Variants in PVALB observed in about 807,000 individuals in gnomAD.
PVALB encodes parvalbumin, also known as parvalbumin alpha.
A neutral mutation model predicts 10.9 loss-of-function variants in PVALB; 11 were observed. The observed-to-expected ratio is 1.01, with a 90% confidence interval of 0.63 to 1.67. PVALB has a LOEUF of 1.67. Ranked by LOEUF, PVALB falls within the 40% of genes most tolerant of loss-of-function variation. PVALB has a pLI of 0.00. For synonymous variants in PVALB, 57 were observed against 50.7 expected (o/e 1.12, Z -0.53); for missense variants, 131 against 136.2 (o/e 0.96, Z 0.19).
At chr22:36,801,578 T>C (rs1938865514) in intron 3 of PVALB, among the ~76,000 whole-genome samples, 1 of 152,176 alleles carries the variant, frequency 6.6e-6, no homozygotes, top group South Asian at 2.1e-4. Context: ...GGCAGGTGAA[T>C]CACTTGAGGT....
chr22:36,811,486 C>T (rs1360445698), intron 3 of PVALB: 1 of 470,706 alleles, frequency 2.1e-6, no homozygotes, highest in Non-Finnish European at 4.4e-6. Flanking sequence ...TCTTCCATTG[C>T]CGGGCACAGA....
chr22:36,813,835 G>C, intron 2 of PVALB, 80 bp from the exon 3 acceptor site: 1 of 1,070,344 alleles, frequency 9.3e-7, no homozygotes, highest in Non-Finnish European at 1.5e-6. Flanking sequence ...GGGTGGTCTG[G>C]TTTCTGTATG....
rs577241514 is a variant in PVALB at position 36,810,346 on chromosome 22, C to T, written c.304+3300G>A. ...AAGCAGAGTATCTGAAACAGAACGT[C>T]CTGGGCCCCAAAAAGGCTCTGCTTC... On this transcript the variant is annotated intron_variant, in intron 3 of 3. Transcript: ENST00000417718. 1.3e-4 allele frequency among the ~76,000 whole-genome samples: 20 copies of T among 152,276 alleles called. No individual in the cohort carries two copies. The South Asian group carries it at 3.9e-3, about 30-fold the overall frequency.
chr22:36,807,870 G>T (rs978110387), intron 3 of PVALB, among the ~76,000 whole-genome samples: 1 of 152,220 alleles, frequency 6.6e-6, no homozygotes, highest in Non-Finnish European at 1.5e-5. Flanking sequence ...TTGCCAGAGG[G>T]AAGCAGAAAA....
intron 3 of PVALB, among the ~76,000 whole-genome samples, chr22:36,806,547 T>C (rs904049816): frequency 9.9e-5 from 15 of 152,140 alleles, no homozygotes; most frequent in Non-Finnish European, 2.9e-5. Context: ...CCTCCCTCTG[T>C]CGTGATGACC....
At chr22:36,805,959 C>T (rs887494353) in intron 3 of PVALB, among the ~76,000 whole-genome samples, 24 of 152,208 alleles carry the variant, frequency 1.6e-4, no homozygotes, top group South Asian at 4.1e-4. Context: ...ATCCCACCTC[C>T]GGCACATCCA....
intron 3 of PVALB, among the ~76,000 whole-genome samples, chr22:36,808,200 T>C (rs577490391): frequency 2.0e-5 from 3 of 152,340 alleles, no homozygotes; most frequent in African/African-American, 7.2e-5. Flanking sequence ...CTCAGATTCC[T>C]TGTATGTATC....
intron 3 of PVALB, among the ~76,000 whole-genome samples, chr22:36,806,368 T>C (rs1284583714): frequency 6.6e-6 from 1 of 152,110 alleles, no homozygotes; most frequent in Non-Finnish European, 1.5e-5. Context: ...GAGGATTCTG[T>C]TCTTTTCTTT....
At chr22:36,803,480 T>TGCTCATAAATAA (rs1373460089) in intron 3 of PVALB, among the ~76,000 whole-genome samples, 8 of 152,036 alleles carry the variant, frequency 5.3e-5, no homozygotes, top group Admixed American at 5.2e-4. Context: ...ACACAGTAGG[T>TGCTCATAAATAA]GCTCATAAAT....
chr22:36,810,986 C>T (rs931071681), intron 3 of PVALB, among the ~76,000 whole-genome samples: 2 of 152,150 alleles, frequency 1.3e-5, no homozygotes, highest in African/African-American at 2.4e-5. Context: ...ATAAAAATGA[C>T]ATTGCATGGC....
At chr22:36,807,004 T>C (rs1938959809) in intron 3 of PVALB, among the ~76,000 whole-genome samples, 1 of 152,132 alleles carries the variant, frequency 6.6e-6, no homozygotes, top group Admixed American at 6.5e-5. Flanking sequence ...AAGCAGCTGC[T>C]CCCTTTCACA....
At chr22:36,808,112 CT>C (rs369533867) in intron 3 of PVALB, among the ~76,000 whole-genome samples, 9 of 152,344 alleles carry the variant, frequency 5.9e-5, no homozygotes, top group African/African-American at 1.9e-4. Flanking sequence ...TGCGGATCTT[CT>C]CTGCAGCAAG....
At chr22:36,818,999 C>T (rs1349536604), upstream of PVALB, among the ~76,000 whole-genome samples, 1 of 152,180 alleles carries the variant, frequency 6.6e-6, no homozygotes, top group Non-Finnish European at 1.5e-5. Flanking sequence ...CTCCATCTCT[C>T]CCTGCTGCTG....
Position 36,800,981 on chromosome 22 carries a change from C to T in PVALB, c.305-63G>A, listed in dbSNP as rs1178236695. ...GGGGATGCAAGAGAGACTGTCCACACCTGACTGCGGGGCCCTGGGTGGTGC... is the reference window on the plus strand; with the variant it reads ...GGGGATGCAAGAGAGACTGTCCACATCTGACTGCGGGGCCCTGGGTGGTGC... On this transcript the variant is annotated intron_variant, in intron 3 of 3. Transcript: ENST00000417718. The T allele has an allele frequency of 2.6e-6, 4 of 1,525,626 alleles. No homozygotes were observed. In the African/African-American group the frequency reaches 5.5e-5, roughly 21 times the overall value. The allele number at this position is 1,525,626 out of a possible 1,614,324, so 94.5% of individuals were successfully genotyped here. A position where few individuals can be genotyped will look rare whatever the true frequency, so the allele number is the denominator to read the frequency against.
intron 3 of PVALB, chr22:36,813,436 G>T: frequency 1.8e-6 from 1 of 543,312 alleles, no homozygotes; most frequent in Non-Finnish European, 3.3e-6. Context: ...TTCCTTTTAG[G>T]TTTTCAAATT....
At chr22:36,802,912 C>T (rs528619939) in intron 3 of PVALB, among the ~76,000 whole-genome samples, 5 of 152,198 alleles carry the variant, frequency 3.3e-5, no homozygotes, top group African/African-American at 1.2e-4. Context: ...GTACAGAATC[C>T]CTCCCATAGG....
In PVALB at chr22:36,816,973, G is replaced by A. The variant is rs753557841; in HGVS notation, c.33C>T (p.Asp11=). The change falls in exon 1 of 4, where the codon GAC becomes GAT. Residue 11 remains aspartate, a synonymous_variant. Transcript: ENST00000417718. ...TAAAGGCTCCCACCGCCTTCTTGAT[G>A]TCCTCAGCGTTCAGCAAGTCTGTCA... MSMTDLLNAE[D]IKKAVGAFSA... The A allele has an allele frequency of 6.2e-7, 1 of 1,609,714 alleles. No homozygotes were observed. Among genetic ancestry groups the A allele is most frequent in the Non-Finnish European group, 8.5e-7 (1 of 1,178,832 alleles).
At chr22:36,816,008 A>G (rs2145955210) in intron 1 of PVALB, among the ~76,000 whole-genome samples, 2 of 151,864 alleles carry the variant, frequency 1.3e-5, no homozygotes, top group Admixed American at 1.3e-4. Flanking sequence ...CCTGTTTTAG[A>G]ACACCTGGGG....
At chr22:36,808,656 G>C (rs1308346451) in intron 3 of PVALB, among the ~76,000 whole-genome samples, 1 of 152,224 alleles carries the variant, frequency 6.6e-6, no homozygotes, top group South Asian at 2.1e-4. Context: ...AACTCCTGGG[G>C]TCTGGCACAG....
Sources: gnomAD v4.1 joint callset for allele counts (sites outside exome capture counted in the v4.1 genomes callset) on GRCh38, gnomAD v4.1.1 for gene constraint, MANE v1.5 for transcripts, NCBI Gene and HGNC (gene_info 2026-07-23, HGNC 2026-07-21) for gene names.